Variants in SCAPER observed in about 807,000 individuals in gnomAD.
SCAPER encodes the protein S phase cyclin A-associated protein in the endoplasmic reticulum.
SCAPER carries 98 observed loss-of-function variants against 182.2 expected under a neutral mutation model. The observed-to-expected ratio is 0.54, with a 90% CI of 0.46 to 0.64. The LOEUF (loss-of-function observed/expected upper bound fraction) is 0.64, where lower values mean the gene tolerates loss of function less well. Among genes scored for constraint, SCAPER ranks in the 30% least tolerant of loss-of-function variants. The pLI is 0.00. For missense variants in SCAPER, 1,432 were observed against 1,690.0 expected, an observed-to-expected ratio of 0.85 and a Z score of 2.68; for synonymous variants, 605 against 564.6, an observed-to-expected ratio of 1.07 and a Z score of -1.01.
intron 29 of SCAPER, among the ~76,000 whole-genome samples, chr15:76,364,782 C>A (rs922952934): frequency 6.6e-6 from 1 of 151,904 alleles, no homozygotes; most frequent in African/African-American, 2.4e-5. Flanking sequence ...ATAGTCTGAG[C>A]GTGTCATTCT....
intron 14 of SCAPER, among the ~76,000 whole-genome samples, chr15:76,762,167 C>T (rs929674314): frequency 6.6e-6 from 1 of 152,112 alleles, no homozygotes; most frequent in African/African-American, 2.4e-5. Flanking sequence ...TTCAAGGCAG[C>T]ATATGGTTGG....
intron 20 of SCAPER, among the ~76,000 whole-genome samples, chr15:76,700,928 T>C (rs1341016813): frequency 6.6e-6 from 1 of 152,098 alleles, no homozygotes; most frequent in Non-Finnish European, 1.5e-5. Context: ...AAATTCACAG[T>C]AGTTAACTTT....
intron 26 of SCAPER, among the ~76,000 whole-genome samples, chr15:76,422,552 A>G (rs568959510): frequency 1.3e-5 from 2 of 152,348 alleles, no homozygotes; most frequent in African/African-American, 4.8e-5. Context: ...ATATACAATC[A>G]TGTCATCTGC....
At chr15:76,505,089 TATAA>T in intron 23 of SCAPER, 115 bp from the exon 24 acceptor site, 1 of 749,704 alleles carries the variant, frequency 1.3e-6, no homozygotes, top group Non-Finnish European at 2.2e-6. Context: ...AATATTATTT[TATAA>T]ATATTTGCTG....
intron 26 of SCAPER, among the ~76,000 whole-genome samples, chr15:76,413,213 T>C (rs535432994): frequency 1.3e-5 from 2 of 152,330 alleles, no homozygotes; most frequent in South Asian, 4.1e-4. Context: ...ACAAACTTTA[T>C]GCCTTTTCTT....
chr15:76,714,887 A>C (rs1235269381), intron 17 of SCAPER, among the ~76,000 whole-genome samples: 2 of 152,120 alleles, frequency 1.3e-5, no homozygotes, highest in East Asian at 3.9e-4. Context: ...TAGAAAAATC[A>C]ATCAACTAAT....
intron 26 of SCAPER, among the ~76,000 whole-genome samples, chr15:76,421,987 G>C (rs921738568): frequency 2.1e-4 from 32 of 152,176 alleles, no homozygotes; most frequent in Non-Finnish European, 4.1e-4. Context: ...CTATATCTCT[G>C]TTTTGGTACC....
chr15:76,862,851 T>A (rs1349497260), intron 2 of SCAPER, among the ~76,000 whole-genome samples: 1 of 152,206 alleles, frequency 6.6e-6, no homozygotes, highest in Non-Finnish European at 1.5e-5. Flanking sequence ...AGTCCAAGTG[T>A]GAAAGAGACC....
rs777037377 is a variant in SCAPER at position 76,728,603 on chromosome 15, T to C, written c.2157A>G (p.Glu719=). The C allele has an allele frequency of 7.4e-6, 12 of 1,613,470 alleles. No individual in the cohort carries two copies. Among genetic ancestry groups the C allele is most frequent in the Non-Finnish European group, 9.3e-6 (11 of 1,179,594 alleles). Residue 719 remains glutamate, a synonymous_variant, in exon 17 of 32, where the codon GAA becomes GAG. Transcript: ENST00000563290. ...GATAGCAAATGAGATACCTAGCTCT[T>C]TCCCGGGCTGCATCCTCACGGGCTT... ...KEKAREDAAR[E]RARDREERLA...
chr15:76,539,548 T>TC (rs912539261), intron 23 of SCAPER, among the ~76,000 whole-genome samples: 12 of 146,738 alleles, frequency 8.2e-5, no homozygotes, highest in African/African-American at 1.2e-4. Flanking sequence ...AAAATTTCTT[T>TC]TTTTTTTTTT....
At chr15:76,435,200 T>C (rs112216007) in intron 25 of SCAPER, among the ~76,000 whole-genome samples, 85 of 152,306 alleles carry the variant, frequency 5.6e-4, no homozygotes, top group South Asian at 3.3e-3. Flanking sequence ...CATCCTATCA[T>C]GTACTTGGAA....
intron 24 of SCAPER, among the ~76,000 whole-genome samples, chr15:76,488,241 A>T (rs1436413060): frequency 6.6e-6 from 1 of 152,170 alleles, no homozygotes; most frequent in Admixed American, 6.5e-5. Context: ...TTTATATAAC[A>T]GTTCTCTCTC....
intron 1 of SCAPER, among the ~76,000 whole-genome samples, chr15:76,893,710 T>C (rs2074279476): frequency 6.6e-6 from 1 of 152,164 alleles, no homozygotes; most frequent in South Asian, 2.1e-4. Flanking sequence ...ATTTAAATGA[T>C]ATCAAGTATC....
chr15:76,728,784 T>C lies in SCAPER; in HGVS notation c.2023-47A>G, dbSNP rs140477949. ...TCCAATATTAGAATTATGTGTAAAA[T>C]AAAAATGATTCAAAGTAATATACCT... On this transcript the variant is annotated intron_variant, in intron 16 of 31. Coordinates refer to ENST00000563290, the MANE Select transcript of SCAPER (RefSeq NM_020843.4). 142 of 1,549,586 alleles carry C rather than the reference T, an allele frequency of 9.2e-5. No homozygotes were observed. The African/African-American group carries it at 1.6e-3, about 17-fold the overall frequency.
intron 21 of SCAPER, among the ~76,000 whole-genome samples, chr15:76,633,165 C>T (rs2053281078): frequency 6.6e-6 from 1 of 152,126 alleles, no homozygotes; most frequent in South Asian, 2.1e-4. Context: ...TTTTCACAGT[C>T]AGGTCCCTCT....
At chr15:76,806,518 T>G (rs2066172192) in intron 5 of SCAPER, among the ~76,000 whole-genome samples, 1 of 152,180 alleles carries the variant, frequency 6.6e-6, no homozygotes. Context: ...TTGGCTATTC[T>G]ACATACTTTG....
chr15:76,755,720 T>G (rs2062381339), intron 14 of SCAPER, among the ~76,000 whole-genome samples: 1 of 152,176 alleles, frequency 6.6e-6, no homozygotes, highest in South Asian at 2.1e-4. Flanking sequence ...ACAACTTCAT[T>G]TTATCAACTC....
At chr15:76,746,730 T>C in intron 15 of SCAPER, among the ~76,000 whole-genome samples, 1 of 152,176 alleles carries the variant, frequency 6.6e-6, no homozygotes, top group South Asian at 2.1e-4. Flanking sequence ...ACATTAGCAA[T>C]GAATAATCAA....
chr15:76,410,619 T>C (rs1461161457), intron 26 of SCAPER, among the ~76,000 whole-genome samples: 2 of 152,188 alleles, frequency 1.3e-5, no homozygotes, highest in Non-Finnish European at 2.9e-5. Context: ...GTTATTGCTA[T>C]AGTTTGGTCA....
Sources: gnomAD v4.1 joint callset for allele counts (sites outside exome capture counted in the v4.1 genomes callset) on GRCh38, gnomAD v4.1.1 for gene constraint, MANE v1.5 for transcripts, NCBI Gene and HGNC (gene_info 2026-07-23, HGNC 2026-07-21) for gene names.